HSD17B12: variants seen among roughly 807,000 people sequenced by gnomAD.
HSD17B12 encodes very-long-chain 3-oxoacyl-CoA reductase.
HSD17B12 carries 32 observed loss-of-function variants against 39.3 expected under a neutral mutation model. That is an observed-to-expected ratio of 0.81 (90% confidence interval 0.61 to 1.09). The LOEUF (loss-of-function observed/expected upper bound fraction) is 1.09, where lower values mean the gene tolerates loss of function less well. Among genes scored for constraint, HSD17B12 ranks in the 50% least tolerant of loss-of-function variants. The pLI, the probability that HSD17B12 is intolerant of heterozygous loss-of-function variation, is 0.00. For missense variants in HSD17B12, 342 were observed against 382.9 expected (o/e 0.89, Z 0.89); for synonymous variants, 150 against 146.7 (o/e 1.02, Z -0.16).
intron 9 of HSD17B12, among the ~76,000 whole-genome samples, chr11:43,849,260 G>A (rs945508540): frequency 2.0e-5 from 3 of 152,068 alleles, no homozygotes; most frequent in South Asian, 2.1e-4. Context: ...AGCTGAGATC[G>A]CACCACTGCA....
At chr11:43,603,040 T>C in the HSD17B12 span, among the ~76,000 whole-genome samples, 2 of 152,168 alleles carry the variant, frequency 1.3e-5, no homozygotes, top group Non-Finnish European at 2.9e-5. Flanking sequence ...TTGTGCTCCA[T>C]TTTCCAGCTC....
At chr11:43,699,682 A>G (rs1949945227) in intron 1 of HSD17B12, among the ~76,000 whole-genome samples, 1 of 152,192 alleles carries the variant, frequency 6.6e-6, no homozygotes, top group Non-Finnish European at 1.5e-5. Flanking sequence ...TCCCAAAATC[A>G]GATGTTGAGA....
At chr11:43,815,103 G>T (rs575691160) in intron 4 of HSD17B12, among the ~76,000 whole-genome samples, 142 of 152,210 alleles carry the variant, frequency 9.3e-4, no homozygotes, top group African/African-American at 3.3e-3. Context: ...AAAATTTAAG[G>T]TCTGGAGAAG....
At chr11:43,827,373 G>T (rs1035052005) in intron 6 of HSD17B12, among the ~76,000 whole-genome samples, 15 of 152,144 alleles carry the variant, frequency 9.9e-5, no homozygotes, top group Admixed American at 9.2e-4. Flanking sequence ...AGAATAATTT[G>T]CTTATATTGT....
the HSD17B12 span, among the ~76,000 whole-genome samples, chr11:43,582,705 C>T: frequency 6.6e-6 from 1 of 152,138 alleles, no homozygotes; most frequent in Non-Finnish European, 1.5e-5. Context: ...GGTTGAACAC[C>T]CGGACTCTAC....
intron 3 of HSD17B12, among the ~76,000 whole-genome samples, chr11:43,779,992 A>G (rs1950748742): frequency 6.6e-6 from 1 of 152,112 alleles, no homozygotes; most frequent in Non-Finnish European, 1.5e-5. Flanking sequence ...TTGCAAAATA[A>G]TTTTGCTGAC....
chr11:43,832,208 A>T (rs750498787), intron 7 of HSD17B12, among the ~76,000 whole-genome samples: 12 of 152,170 alleles, frequency 7.9e-5, no homozygotes, highest in Admixed American at 7.2e-4. Context: ...ACCCTAGAAG[A>T]TGGTAGAGTT....
At chr11:43,723,994 A>G (rs1457390895) in intron 1 of HSD17B12, 2 of 151,768 alleles carry the variant, frequency 1.3e-5, no homozygotes, top group African/African-American at 4.8e-5. Context: ...CATGTATTAG[A>G]TGCTTCAATT....
At chr11:43,759,080 C>T (rs979416924) in intron 3 of HSD17B12, among the ~76,000 whole-genome samples, 1 of 152,172 alleles carries the variant, frequency 6.6e-6, no homozygotes, top group Non-Finnish European at 1.5e-5. Context: ...CATTTAAACT[C>T]ACTCCAATGG....
At chr11:43,828,843 TAAAGA>T (rs1951277289) in intron 6 of HSD17B12, among the ~76,000 whole-genome samples, 1 of 152,224 alleles carries the variant, frequency 6.6e-6, no homozygotes, top group Admixed American at 6.5e-5. Flanking sequence ...AATTTGGTGT[TAAAGA>T]AAATTTAATT....
chr11:43,614,371 A>G, the HSD17B12 span, among the ~76,000 whole-genome samples: 2 of 152,346 alleles, frequency 1.3e-5, no homozygotes, highest in African/African-American at 4.8e-5. Flanking sequence ...AAAAGTCATC[A>G]ATAATTACAT....
At position 43,831,068 on chromosome 11, in the gene HSD17B12, G is replaced by A. The variant is rs1157789448; in HGVS notation, c.536+58G>A. On this transcript the variant is annotated intron_variant, in intron 7 of 10. Transcript: ENST00000278353. The surrounding 1 kb of genome is among the most constrained non-coding windows in gnomAD (Gnocchi z 4.1). ...AAGCAGAGCTCATGATTATTTAGAG[G>A]GAGAATCCTTGCTTTGAAAAAATCA... 6 of 1,481,952 alleles carry A rather than the reference G, an allele frequency of 4.0e-6. No individual in the cohort carries two copies. The highest frequency in any genetic ancestry group is 5.5e-6 in the Non-Finnish European group (6 of 1,083,516). The allele number at this position is 1,481,952 out of a possible 1,614,324, so 91.8% of individuals were successfully genotyped here.
intron 6 of HSD17B12, among the ~76,000 whole-genome samples, chr11:43,826,801 TAC>T (rs1262971848): frequency 6.6e-6 from 1 of 152,204 alleles, no homozygotes; most frequent in Non-Finnish European, 1.5e-5. Flanking sequence ...GTGCTCAAAT[TAC>T]ACAGTTTGCC....
At chr11:43,700,535 A>C (rs1344667922) in intron 1 of HSD17B12, among the ~76,000 whole-genome samples, 1 of 151,924 alleles carries the variant, frequency 6.6e-6, no homozygotes, top group Non-Finnish European at 1.5e-5. Context: ...CTGTCTGTCC[A>C]TGAGTTCAAT....
At chr11:43,721,015 A>G (rs751946395) in intron 1 of HSD17B12, among the ~76,000 whole-genome samples, 1 of 151,902 alleles carries the variant, frequency 6.6e-6, no homozygotes, top group African/African-American at 2.4e-5. Context: ...CTTGGCTCCT[A>G]TAGGTATTTG....
At chr11:43,684,690 A>G (rs1004788350) in intron 1 of HSD17B12, among the ~76,000 whole-genome samples, 3 of 152,250 alleles carry the variant, frequency 2.0e-5, no homozygotes, top group Non-Finnish European at 4.4e-5. Flanking sequence ...TTTTTAAAAC[A>G]ACTTTAGTGG....
intron 1 of HSD17B12, among the ~76,000 whole-genome samples, chr11:43,697,257 C>T (rs1949921172): frequency 6.6e-6 from 1 of 152,066 alleles, no homozygotes; most frequent in Non-Finnish European, 1.5e-5. Flanking sequence ...TAAGCAGATC[C>T]AAAAAGTGTT....
chr11:43,591,612 C>T, the HSD17B12 span, among the ~76,000 whole-genome samples: 1 of 151,988 alleles, frequency 6.6e-6, no homozygotes, highest in African/African-American at 2.4e-5. Context: ...GAAGGAAAAC[C>T]TGTTAAAATA....
chr11:43,763,583 C>T (rs577303404), intron 3 of HSD17B12, among the ~76,000 whole-genome samples: 1 of 137,358 alleles, frequency 7.3e-6, no homozygotes, highest in Non-Finnish European at 1.6e-5. Context: ...ATATTTTATA[C>T]CCTTATATAT....
Sources: gnomAD v4.1 joint callset for allele counts (sites outside exome capture counted in the v4.1 genomes callset) on GRCh38, gnomAD v4.1.1 for gene constraint, Gnocchi (gnomAD v3.1) non-coding constraint, MANE v1.5 for transcripts, NCBI Gene and HGNC (gene_info 2026-07-23, HGNC 2026-07-21) for gene names.